Variants in TP63 observed in about 807,000 individuals in gnomAD.
The protein encoded by TP63 is tumor protein 63.
In TP63, 17 loss-of-function variants were observed where a neutral mutation model predicts 82.8. The observed-to-expected ratio is 0.21, with a 90% confidence interval of 0.14 to 0.31. The LOEUF is 0.31. Ranked by LOEUF, TP63 falls within the 10% of genes least tolerant of loss-of-function variation. The probability of loss-of-function intolerance (pLI) is 1.00; values close to 1 mark genes in which losing one functional copy is unlikely to be tolerated. For synonymous variants in TP63, 330 were observed against 321.7 expected, an observed-to-expected ratio of 1.03 and a Z score of -0.28; for missense variants, 648 against 895.3, an observed-to-expected ratio of 0.72 and a Z score of 3.52.
chr3:189,879,597 A>G (rs1231660193), intron 10 of TP63, among the ~76,000 whole-genome samples: 2 of 152,240 alleles, frequency 1.3e-5, no homozygotes, highest in African/African-American at 4.8e-5. Flanking sequence ...AATTGACCAG[A>G]TGACATTTTA....
At chr3:189,626,257 T>C in the TP63 span, among the ~76,000 whole-genome samples, 1 of 152,146 alleles carries the variant, frequency 6.6e-6, no homozygotes, top group Non-Finnish European at 1.5e-5. Flanking sequence ...TTTACTAAAA[T>C]AGAGATTGTG....
chr3:189,882,018 C>CAA (rs5855276), intron 10 of TP63, among the ~76,000 whole-genome samples: 21,119 of 139,556 alleles, frequency 0.15, 1,608 homozygotes, highest in Middle Eastern at 0.23. Context: ...AAGTTCTAAC[C>CAA]AAAAAAAAAA....
intron 1 of TP63, among the ~76,000 whole-genome samples, chr3:189,683,403 C>T (rs1209603540): frequency 6.6e-6 from 1 of 152,156 alleles, no homozygotes; most frequent in African/African-American, 2.4e-5. Flanking sequence ...ACTTTGCTGC[C>T]TTGTGAAGCT....
chr3:189,759,871 C>T (rs1470931915), intron 3 of TP63, among the ~76,000 whole-genome samples: 2 of 152,190 alleles, frequency 1.3e-5, no homozygotes, highest in Admixed American at 1.3e-4. Flanking sequence ...ACTTACAGTT[C>T]CACATGGCCT....
At chr3:189,764,834 C>T (rs549080870) in intron 3 of TP63, among the ~76,000 whole-genome samples, 9 of 152,092 alleles carry the variant, frequency 5.9e-5, no homozygotes, top group South Asian at 2.1e-4. Context: ...GGCGGCACAG[C>T]GTAATGAATC....
rs115807793 is a variant in TP63 at position 189,738,355 on chromosome 3, A to G, written c.192-287A>G. Among the ~76,000 whole-genome samples the G allele has an allele frequency of 6.3e-3, 956 of 152,344 alleles. 11 individuals are homozygous for G. The highest frequency in any genetic ancestry group is 0.022 in the African/African-American group (913 of 41,574). On this transcript the variant is annotated intron_variant, in intron 2 of 13. Coordinates refer to ENST00000264731, the MANE Select transcript of TP63 (RefSeq NM_003722.5). The stretch of plus-strand genomic sequence containing the variant: ...GAGACCCTTAGGAATCGAGTATAAA[A>G]TACTCTATCACAGATACATCCGTTA...
chr3:189,885,317 T>A (rs1269858873), intron 10 of TP63, among the ~76,000 whole-genome samples: 2 of 152,218 alleles, frequency 1.3e-5, no homozygotes, highest in Non-Finnish European at 2.9e-5. Flanking sequence ...TAGGATGGAT[T>A]ATTATATCCA....
At chr3:189,739,820 C>T (rs1390538131) in intron 3 of TP63, among the ~76,000 whole-genome samples, 1 of 147,808 alleles carries the variant, frequency 6.8e-6, no homozygotes, top group Non-Finnish European at 1.5e-5. Context: ...ATTTACGGCA[C>T]AAGTCCTGCT....
chr3:189,870,831 CAGG>C (rs1365167417), intron 9 of TP63, among the ~76,000 whole-genome samples: 1 of 152,094 alleles, frequency 6.6e-6, no homozygotes, highest in East Asian at 1.9e-4. Context: ...CAAGCAGGGC[CAGG>C]AGATTTGACC....
chr3:189,860,472 AT>A (rs1184620415), intron 4 of TP63, among the ~76,000 whole-genome samples: 1 of 152,208 alleles, frequency 6.6e-6, no homozygotes, highest in East Asian at 1.9e-4. Context: ...GGTAAAAAAA[AT>A]AAAGGTCATC....
At chr3:189,739,569 A>G (rs1461933846) in intron 3 of TP63, among the ~76,000 whole-genome samples, 7 of 152,154 alleles carry the variant, frequency 4.6e-5, no homozygotes, top group African/African-American at 1.7e-4. Context: ...AAGAGGGAGG[A>G]AAAAAACTAA....
intron 4 of TP63, among the ~76,000 whole-genome samples, chr3:189,855,959 C>T (rs1716241205): frequency 6.6e-6 from 1 of 151,878 alleles, no homozygotes; most frequent in African/African-American, 2.4e-5. Context: ...GTACTTTATA[C>T]CTTCACATAG....
At chr3:189,628,574 A>G (rs1478443411), upstream of TP63, among the ~76,000 whole-genome samples, 1 of 152,074 alleles carries the variant, frequency 6.6e-6, no homozygotes, top group African/African-American at 2.4e-5. Context: ...GTCTTCACAA[A>G]CATCATTTAA....
intron 3 of TP63, among the ~76,000 whole-genome samples, chr3:189,771,010 A>G (rs1033296963): frequency 4.6e-5 from 7 of 152,040 alleles, no homozygotes; most frequent in Non-Finnish European, 7.4e-5. Flanking sequence ...GGCAATGTAT[A>G]TCTACTACCA....
intron 3 of TP63, among the ~76,000 whole-genome samples, chr3:189,782,922 C>T (rs977708788): frequency 1.3e-5 from 2 of 152,002 alleles, no homozygotes; most frequent in Non-Finnish European, 2.9e-5. Context: ...GTAAGGTGAG[C>T]TCTGTAATGC....
intron 3 of TP63, among the ~76,000 whole-genome samples, chr3:189,751,556 T>TTC (rs1213654609): frequency 6.6e-6 from 1 of 152,240 alleles, no homozygotes; most frequent in Non-Finnish European, 1.5e-5. Context: ...TGATTTGCAT[T>TTC]TCTCTGATGG....
At chr3:189,748,802 A>G (rs1336028793) in intron 3 of TP63, among the ~76,000 whole-genome samples, 1 of 152,142 alleles carries the variant, frequency 6.6e-6, no homozygotes, top group African/African-American at 2.4e-5. Flanking sequence ...GCCTAAAGTA[A>G]CCAACAGAGC....
intron 4 of TP63, 151 bp downstream of exon 4, chr3:189,808,677 G>A (rs1213140871): frequency 1.4e-6 from 2 of 1,469,308 alleles, no homozygotes; most frequent in African/African-American, 1.4e-5. Context: ...ACCAGAGAGA[G>A]AGAAAGTGCC....
intron 3 of TP63, among the ~76,000 whole-genome samples, chr3:189,802,392 C>CA (rs1726407332): frequency 6.6e-6 from 1 of 152,148 alleles, no homozygotes; most frequent in African/African-American, 2.4e-5. Flanking sequence ...TGGTCAGGGA[C>CA]ATCTGTATAG....
Sources: allele counts gnomAD v4.1 joint callset (sites outside exome capture counted in the v4.1 genomes callset), GRCh38; gene constraint gnomAD v4.1.1; transcripts MANE v1.5; gene names NCBI Gene and HGNC (gene_info 2026-07-23, HGNC 2026-07-21).